The following KCNB2 variants were observed in gnomAD, a reference collection of about 807,000 sequenced individuals.
KCNB2 encodes the protein potassium voltage-gated channel subfamily B member 2, also known as delayed rectifier potassium channel protein.
KCNB2 carries 15 observed loss-of-function variants against 61.5 expected under a neutral mutation model. The observed-to-expected ratio is 0.24, with a 90% CI of 0.16 to 0.38. The LOEUF is 0.38. KCNB2 is among the 10% of genes least tolerant of loss of function. KCNB2 has a pLI of 1.00. For missense variants in KCNB2, 828 were observed against 1,125.2 expected (o/e 0.74, Z 3.78); for synonymous variants, 457 against 446.0 (o/e 1.02, Z -0.31).
At chr8:72,595,538 C>T (rs868587735) in intron 2 of KCNB2, among the ~76,000 whole-genome samples, 3 of 151,962 alleles carry the variant, frequency 2.0e-5, no homozygotes, top group Middle Eastern at 3.2e-3. Context: ...ATTGACCAGG[C>T]TGGTCTCGAA....
Position 72,938,132 on chromosome 8 carries a change from A to C in KCNB2, c.*41A>C. On this transcript the variant is annotated 3_prime_UTR_variant, in exon 3 of 3. Transcript: ENST00000523207. Reference sequence around the variant, plus strand: ...ATAAATTGAAACAAAACAAAACAAAACAAAACTTGTTTCTTAAAAATGCGG... The same window carrying C: ...ATAAATTGAAACAAAACAAAACAAACCAAAACTTGTTTCTTAAAAATGCGG... 2 of 1,479,022 alleles carry C rather than the reference A, an allele frequency of 1.4e-6. No homozygotes were observed. Among genetic ancestry groups the C allele is most frequent in the Non-Finnish European group, 1.8e-6 (2 of 1,091,400 alleles). 91.6% of individuals were successfully genotyped at this position (1,479,022 alleles called of 1,614,324 possible).
chr8:72,616,385 G>C (rs1175600309), intron 2 of KCNB2, among the ~76,000 whole-genome samples: 1 of 152,192 alleles, frequency 6.6e-6, no homozygotes, highest in Admixed American at 6.5e-5. Context: ...TGAGTGTTAA[G>C]AGTTAATCTT....
intron 2 of KCNB2, among the ~76,000 whole-genome samples, chr8:72,804,769 C>A (rs1028944227): frequency 3.3e-5 from 5 of 152,140 alleles, no homozygotes. Flanking sequence ...CTGTAGTATT[C>A]GACTTATATG....
chr8:72,824,165 AAT>A (rs1461245753), intron 2 of KCNB2, among the ~76,000 whole-genome samples: 1 of 152,108 alleles, frequency 6.6e-6, no homozygotes, highest in East Asian at 1.9e-4. Flanking sequence ...AACTTGACCA[AAT>A]ATCAAATCTC....
At chr8:72,815,603 A>G (rs1809384124) in intron 2 of KCNB2, among the ~76,000 whole-genome samples, 2 of 152,196 alleles carry the variant, frequency 1.3e-5, no homozygotes, top group Admixed American at 6.5e-5. Context: ...ACAAACAGGG[A>G]CCGAGACTAG....
At chr8:72,873,588 G>A (rs1301645898) in intron 2 of KCNB2, among the ~76,000 whole-genome samples, 1 of 152,202 alleles carries the variant, frequency 6.6e-6, no homozygotes, top group Non-Finnish European at 1.5e-5. Context: ...GGCCTCTGGC[G>A]GGGCCAAGCT....
intron 2 of KCNB2, among the ~76,000 whole-genome samples, chr8:72,864,984 C>T (rs867470087): frequency 6.6e-6 from 1 of 152,152 alleles, no homozygotes; most frequent in Non-Finnish European, 1.5e-5. Flanking sequence ...CCCCAACCTC[C>T]TGCTGGGCCT....
At chr8:72,843,540 A>G (rs1229283924) in intron 2 of KCNB2, among the ~76,000 whole-genome samples, 1 of 152,316 alleles carries the variant, frequency 6.6e-6, no homozygotes, top group East Asian at 1.9e-4. Context: ...GTAGGGTGTT[A>G]AAGTCTCCCA....
intron 2 of KCNB2, among the ~76,000 whole-genome samples, chr8:72,651,968 T>G (rs1224586033): frequency 6.6e-6 from 1 of 152,122 alleles, no homozygotes; most frequent in Non-Finnish European, 1.5e-5. Flanking sequence ...CCTAGTGGTT[T>G]GAGTCAGAAA....
At chr8:72,609,212 A>G (rs13281541) in intron 2 of KCNB2, among the ~76,000 whole-genome samples, 96,908 of 152,006 alleles carry the variant, frequency 0.64, 31,542 homozygotes, top group Admixed American at 0.73. Context: ...TGTTTCTTAG[A>G]TCAAGTATGT....
chr8:72,681,610 T>G (rs755904136), intron 2 of KCNB2, among the ~76,000 whole-genome samples: 16 of 152,068 alleles, frequency 1.1e-4, no homozygotes, highest in Non-Finnish European at 2.1e-4. Context: ...CTCTATAAAA[T>G]AAGAATAAAA....
chr8:72,721,510 T>C (rs1807548317), intron 2 of KCNB2, among the ~76,000 whole-genome samples: 1 of 152,206 alleles, frequency 6.6e-6, no homozygotes. Context: ...GGTTATTGAC[T>C]GGGCTAATGT....
intron 2 of KCNB2, among the ~76,000 whole-genome samples, chr8:72,571,800 G>T (rs1176908082): frequency 6.6e-6 from 1 of 152,106 alleles, no homozygotes; most frequent in Non-Finnish European, 1.5e-5. Context: ...ATCGTGCAAG[G>T]GGAAGAAAAG....
intron 2 of KCNB2, among the ~76,000 whole-genome samples, chr8:72,763,056 A>G (rs2128996592): frequency 6.6e-6 from 1 of 150,862 alleles, no homozygotes; most frequent in African/African-American, 2.4e-5. Flanking sequence ...AAAAAAAAAA[A>G]AAAACAGAAA....
chr8:72,721,010 G>A (rs1807539489), intron 2 of KCNB2, among the ~76,000 whole-genome samples: 1 of 152,128 alleles, frequency 6.6e-6, no homozygotes, highest in Admixed American at 6.5e-5. Context: ...TTTAAAGATT[G>A]GTAAGAGAGA....
At chr8:72,816,308 A>C (rs887265157) in intron 2 of KCNB2, among the ~76,000 whole-genome samples, 1 of 152,216 alleles carries the variant, frequency 6.6e-6, no homozygotes, top group African/African-American at 2.4e-5. Context: ...ACAGCTGCCA[A>C]TGCATCAGCC....
intron 2 of KCNB2, among the ~76,000 whole-genome samples, chr8:72,736,198 T>C (rs927962743): frequency 6.6e-6 from 1 of 152,058 alleles, no homozygotes; most frequent in Non-Finnish European, 1.5e-5. Context: ...TGAAAAAATA[T>C]AAATGATTTG....
chr8:72,843,863 A>G (rs10088124), intron 2 of KCNB2, among the ~76,000 whole-genome samples: 129,614 of 152,026 alleles, frequency 0.85, 56,215 homozygotes, highest in Middle Eastern at 0.97. Context: ...TGAATACAGC[A>G]CACCAATGGG....
chr8:72,539,341 T>C (rs1806159696), intron 1 of KCNB2, among the ~76,000 whole-genome samples: 1 of 152,224 alleles, frequency 6.6e-6, no homozygotes, highest in Non-Finnish European at 1.5e-5. Flanking sequence ...GAAATAACTT[T>C]CTTCCCCACT....
Sources: allele counts gnomAD v4.1 joint callset (sites outside exome capture counted in the v4.1 genomes callset), GRCh38; gene constraint gnomAD v4.1.1; transcripts MANE v1.5; gene names NCBI Gene and HGNC (gene_info 2026-07-23, HGNC 2026-07-21).